Variants in SCARB1 observed in about 807,000 individuals in gnomAD.
The protein encoded by SCARB1 is CD36 and LIMPII analogous 1.
In SCARB1, 30 loss-of-function variants were observed where a neutral mutation model predicts 57.2. The ratio of observed to expected loss-of-function variants is 0.52; its 90% CI spans 0.39 to 0.71. The LOEUF (loss-of-function observed/expected upper bound fraction) is 0.71, where lower values mean the gene tolerates loss of function less well. SCARB1 is among the 30% of genes least tolerant of loss of function. SCARB1 has a pLI of 0.00. For missense variants in SCARB1, 543 were observed against 671.2 expected (o/e 0.81, Z 2.11); for synonymous variants, 249 against 268.3 (o/e 0.93, Z 0.70).
Position 124,800,730 on chromosome 12 carries a change from G to A in SCARB1, c.1010-488C>T, listed in dbSNP as rs758181833. On this transcript the variant is annotated intron_variant, in intron 7 of 12. Transcript: ENST00000261693. This position sits in a 1 kb window ranked among gnomAD's most constrained non-coding sequence, Gnocchi z 4.8. Reference sequence around the variant, plus strand: ...GCAGCAATGATCGGAGCTCAGGTGTGTGCACCTGTGGCCAGATCTCCCTGC... The same window carrying A: ...GCAGCAATGATCGGAGCTCAGGTGTATGCACCTGTGGCCAGATCTCCCTGC... 1.3e-5 allele frequency among the ~76,000 whole-genome samples: 2 copies of A among 152,176 alleles called. No individual in the cohort carries two copies. The highest frequency in any genetic ancestry group is 2.4e-5 in the African/African-American group (1 of 41,434).
intron 9 of SCARB1, 115 bp downstream of exon 9, chr12:124,795,074 ACCCTCT>A: frequency 1.2e-6 from 1 of 856,958 alleles, no homozygotes; most frequent in Non-Finnish European, 2.0e-6. Flanking sequence ...CCCCAATAGG[ACCCTCT>A]CCCCTCCCCA....
Position 124,814,943 on chromosome 12 carries a change from G to A in SCARB1, c.426+30C>T, listed in dbSNP as rs578207543. The A allele has an allele frequency of 8.1e-6, 13 of 1,613,742 alleles. No homozygotes were observed. The East Asian group carries it at 1.8e-4, about 22-fold the overall frequency. ...GAGACAGGGGACGAGGTCAGGGTGC[G>A]AGGCGGCGTGGGCCACAGGGCAGCC... On this transcript the variant is annotated intron_variant, in intron 3 of 12. Coordinates refer to ENST00000261693, the MANE Select transcript of SCARB1 (RefSeq NM_005505.5). This position sits in a 1 kb window ranked among gnomAD's most constrained non-coding sequence, Gnocchi z 4.7.
At chr12:124,823,555 T>C (rs1055874509) in intron 1 of SCARB1, among the ~76,000 whole-genome samples, 2 of 152,230 alleles carry the variant, frequency 1.3e-5, no homozygotes, top group African/African-American at 4.8e-5. Flanking sequence ...ACAGCCACTG[T>C]GGAAACCAGT....
intron 1 of SCARB1, among the ~76,000 whole-genome samples, chr12:124,827,344 G>T (rs1187320469): frequency 2.6e-5 from 4 of 152,118 alleles, no homozygotes; most frequent in Non-Finnish European, 5.9e-5. Context: ...AGAACAAAAA[G>T]TTTTACAGTG....
intron 9 of SCARB1, among the ~76,000 whole-genome samples, chr12:124,792,747 GA>G (rs1949777782): frequency 8.4e-6 from 1 of 118,724 alleles, no homozygotes; most frequent in African/African-American, 3.3e-5. Context: ...AAAAAAAAAA[GA>G]ATGTGAATTA....
rs371471114 is a variant in SCARB1 at position 124,863,381 on chromosome 12, TC to T, written c.126+213del. 2.2e-3 allele frequency among the ~76,000 whole-genome samples: 334 copies of T among 151,950 alleles called. 7 individuals carry two copies. In the East Asian group the frequency reaches 0.043, roughly 19 times the overall value. Reference sequence around the variant, plus strand: ...TGCGCCTCCAGCAAAGCCCCTGGGTTCCCCCCTAGCCTCAGTCTGGGGCGGT... The same window carrying T: ...TGCGCCTCCAGCAAAGCCCCTGGGTTCCCCCTAGCCTCAGTCTGGGGCGGT... On this transcript the variant is annotated intron_variant, in intron 1 of 12. Coordinates refer to ENST00000261693, the MANE Select transcript of SCARB1 (RefSeq NM_005505.5).
intron 1 of SCARB1, among the ~76,000 whole-genome samples, chr12:124,842,333 A>C (rs1374061494): frequency 6.6e-6 from 1 of 152,208 alleles, no homozygotes; most frequent in Admixed American, 6.5e-5. Flanking sequence ...AAGCCGAGAA[A>C]GCCCCAGGAA....
At chr12:124,815,912 C>T (rs911176777) in intron 2 of SCARB1, among the ~76,000 whole-genome samples, 2 of 152,144 alleles carry the variant, frequency 1.3e-5, no homozygotes, top group Non-Finnish European at 2.9e-5. Flanking sequence ...ACCACAACCC[C>T]ACTTTGCATG....
In SCARB1 at chr12:124,819,409, T is replaced by C. The variant is rs113134155; in HGVS notation, c.127-1702A>G. ...AGAAATGTATATGAAATCTCCTGAT[T>C]TAAAAATGTTGCAAAAACATGGTTT... is the stretch of plus-strand genomic sequence containing the variant. On this transcript the variant is annotated intron_variant, in intron 1 of 12. Transcript: ENST00000261693. 1.4e-4 allele frequency among the ~76,000 whole-genome samples: 21 copies of C among 152,324 alleles called. 1 individual carries two copies. Among genetic ancestry groups the C allele is most frequent in the African/African-American group, 4.1e-4 (17 of 41,566 alleles).
At chr12:124,852,178 T>C (rs1350133978) in intron 1 of SCARB1, among the ~76,000 whole-genome samples, 2 of 152,090 alleles carry the variant, frequency 1.3e-5, no homozygotes, top group Admixed American at 6.6e-5. Context: ...GATGACATCT[T>C]TATACACCCG....
At chr12:124,787,122 G>A (rs1456265038) in intron 10 of SCARB1, among the ~76,000 whole-genome samples, 3 of 152,216 alleles carry the variant, frequency 2.0e-5, no homozygotes, top group Admixed American at 1.3e-4. Flanking sequence ...AGGAGAAGAG[G>A]TCATATGCCC....
At chr12:124,844,195 A>C (rs1322182334) in intron 1 of SCARB1, among the ~76,000 whole-genome samples, 1 of 152,208 alleles carries the variant, frequency 6.6e-6, no homozygotes, top group African/African-American at 2.4e-5. Flanking sequence ...TCCAGGCAGC[A>C]GAAGGAAGCA....
At chr12:124,846,327 C>A (rs1033131691) in intron 1 of SCARB1, among the ~76,000 whole-genome samples, 4 of 152,182 alleles carry the variant, frequency 2.6e-5, no homozygotes, top group African/African-American at 9.7e-5. Context: ...GGTGAAGACA[C>A]GCACGCCATG....
At chr12:124,862,772 CTCAT>C (rs1952952029) in intron 1 of SCARB1, among the ~76,000 whole-genome samples, 1 of 152,172 alleles carries the variant, frequency 6.6e-6, no homozygotes, top group Admixed American at 6.5e-5. Flanking sequence ...TAACTCCAGG[CTCAT>C]TCAAACAGGC....
intron 7 of SCARB1, among the ~76,000 whole-genome samples, chr12:124,804,581 G>A (rs1379788741): frequency 1.3e-5 from 2 of 152,120 alleles, no homozygotes; most frequent in African/African-American, 2.4e-5. Context: ...AGAAATCCCC[G>A]CCGATACCAG....
chr12:124,811,801 C>A, intron 5 of SCARB1, 69 bp downstream of exon 5: 2 of 1,074,350 alleles, frequency 1.9e-6, no homozygotes, highest in South Asian at 1.3e-5. Context: ...CTGCCACTCC[C>A]GAGCAGCCAT....
intron 9 of SCARB1, among the ~76,000 whole-genome samples, chr12:124,793,692 C>CCA (rs762992803): frequency 3.9e-5 from 2 of 51,554 alleles, no homozygotes; most frequent in Non-Finnish European, 8.6e-5. Context: ...GACTCCGTCT[C>CCA]AAAAAAAAAA....
rs1305942286 is a variant in SCARB1, at chr12:124,822,445, C to T, written c.127-4738G>A. Among the ~76,000 whole-genome samples the T allele has an allele frequency of 2.0e-5, 3 of 152,148 alleles. No individual in the cohort carries two copies. Among genetic ancestry groups the T allele is most frequent in the Admixed American group, 6.5e-5 (1 of 15,280 alleles). On this transcript the variant is annotated intron_variant, in intron 1 of 12. Coordinates refer to ENST00000261693, the MANE Select transcript of SCARB1 (RefSeq NM_005505.5). This position sits in a 1 kb window ranked among gnomAD's most constrained non-coding sequence, Gnocchi z 5.0. ...ATCATACTACACAACACCATTTCCG[C>T]GACATCGGGGAAAGGGAATACTCTA...
In SCARB1 at chr12:124,807,766, C is replaced by T. The variant is rs1033692537; in HGVS notation, c.1004G>A (p.Arg335Lys). ...ESGIQNVSTCRFSAPLFLSHP... is the reference protein window; with the variant it reads ...ESGIQNVSTCKFSAPLFLSHP... ...GCACAGGGGACGGCACGTACTGAAC[C>T]TGCAGGTGCTGACGTTCTGAATTCC... Residue 335 changes from arginine to lysine, a missense_variant, in exon 7 of 13, where the codon AGG becomes AAG. By Grantham distance (26) the Arg-to-Lys change is conservative. Transcript: ENST00000261693. The surrounding 1 kb of genome is among the most constrained non-coding windows in gnomAD (Gnocchi z 5.3). The T allele has an allele frequency of 6.2e-7, 1 of 1,614,166 alleles. No homozygotes were observed. Among genetic ancestry groups the T allele is most frequent in the Non-Finnish European group, 8.5e-7 (1 of 1,180,026 alleles).
Sources: allele counts gnomAD v4.1 joint callset (sites outside exome capture counted in the v4.1 genomes callset), GRCh38; gene constraint gnomAD v4.1.1; non-coding constraint Gnocchi (gnomAD v3.1); transcripts MANE v1.5; gene names NCBI Gene and HGNC (gene_info 2026-07-23, HGNC 2026-07-21).